NELL1: variants seen among roughly 807,000 people sequenced by gnomAD.
NELL1 encodes the protein neural EGFL like 1.
NELL1 carries 76 observed loss-of-function variants against 107.4 expected under a neutral mutation model. The ratio of observed to expected loss-of-function variants is 0.71; its 90% confidence interval spans 0.59 to 0.86. The LOEUF is 0.86. Ranked by LOEUF, NELL1 falls within the 40% of genes least tolerant of loss-of-function variation. The probability of loss-of-function intolerance (pLI) is 0.00; values close to 1 mark genes in which losing one functional copy is unlikely to be tolerated. For missense variants in NELL1, 1,024 were observed against 1,005.5 expected (o/e 1.02, Z -0.25); for synonymous variants, 353 against 341.2 (o/e 1.03, Z -0.38).
chr11:21,234,287 T>C (rs1858142820), intron 14 of NELL1, among the ~76,000 whole-genome samples: 1 of 152,202 alleles, frequency 6.6e-6, no homozygotes, highest in Non-Finnish European at 1.5e-5. Flanking sequence ...CCATGATCTC[T>C]CTCTTCTCCT....
chr11:21,468,630 A>G lies in NELL1; in HGVS notation c.1646-65744A>G, dbSNP rs568386844. Reference sequence around the variant, plus strand: ...TTATCTGACTGGAAAGTGAAAAAAAATGAAGTGGGTTAGGTAGAACCTATG... The same window carrying G: ...TTATCTGACTGGAAAGTGAAAAAAAGTGAAGTGGGTTAGGTAGAACCTATG... On this transcript the variant is annotated intron_variant, in intron 15 of 19. Coordinates refer to ENST00000357134, the MANE Select transcript of NELL1 (RefSeq NM_006157.5). Among the ~76,000 whole-genome samples, 46 of 152,178 alleles carry G rather than the reference A, an allele frequency of 3.0e-4. No individual in the cohort carries two copies. In the South Asian group the frequency reaches 8.3e-3, roughly 27 times the overall value.
chr11:21,105,575 G>A (rs1854933521), intron 12 of NELL1, among the ~76,000 whole-genome samples: 1 of 152,120 alleles, frequency 6.6e-6, no homozygotes, highest in Admixed American at 6.5e-5. Flanking sequence ...TTTTCCTATT[G>A]GCACAGCTGC....
Position 21,267,876 on chromosome 11 carries a change from C to T in NELL1, c.1549+38422C>T, listed in dbSNP as rs562942012. 1.4e-4 allele frequency among the ~76,000 whole-genome samples: 21 copies of T among 152,258 alleles called. No homozygotes were observed. In the South Asian group the frequency reaches 3.9e-3, roughly 29 times the overall value. On this transcript the variant is annotated intron_variant, in intron 14 of 19. Coordinates refer to ENST00000357134, the MANE Select transcript of NELL1 (RefSeq NM_006157.5). ...TTTATCTGATATAAATGTAGCTCCT[C>T]CTGCTCTGTTTTGGTTTTCATTTGC...
rs372375285 is a variant in NELL1, at chr11:21,166,251, G to A, written c.1426+52537G>A. ...TGGGAAGGGTAGTTGGAGGAGTGGG[G>A]GTGAGAAAAGGGGATGGTTATATTA... is the stretch of plus-strand genomic sequence containing the variant. On this transcript the variant is annotated intron_variant, in intron 13 of 19. Transcript: ENST00000357134. 2.1e-3 allele frequency among the ~76,000 whole-genome samples: 323 copies of A among 151,384 alleles called. 8 individuals carry two copies. The highest frequency in any genetic ancestry group is 7.5e-3 in the African/African-American group (308 of 40,974).
intron 15 of NELL1, among the ~76,000 whole-genome samples, chr11:21,494,823 GA>G (rs905205015): frequency 2.0e-5 from 3 of 151,468 alleles, no homozygotes; most frequent in Non-Finnish European, 2.9e-5. Flanking sequence ...TGTTTTCATT[GA>G]AAAAAACAAG....
At chr11:21,519,527 T>A (rs1423266238) in intron 15 of NELL1, among the ~76,000 whole-genome samples, 4 of 121,512 alleles carry the variant, frequency 3.3e-5, no homozygotes, top group Non-Finnish European at 7.1e-5. Flanking sequence ...TTTGTTTGTT[T>A]GTTTTGTTTT....
At chr11:21,378,597 C>T (rs557558781) in intron 15 of NELL1, among the ~76,000 whole-genome samples, 1 of 152,062 alleles carries the variant, frequency 6.6e-6, no homozygotes, top group Admixed American at 6.6e-5. Flanking sequence ...GACTCCAAAC[C>T]TTGTGTTCTC....
chr11:20,752,925 A>T (rs1456034064), intron 2 of NELL1, among the ~76,000 whole-genome samples: 1 of 152,182 alleles, frequency 6.6e-6, no homozygotes, highest in Non-Finnish European at 1.5e-5. Context: ...AAAAGGAAAA[A>T]ATGGGTGCTG....
At chr11:21,363,322 CT>C (rs568643182) in intron 14 of NELL1, among the ~76,000 whole-genome samples, 109 of 152,318 alleles carry the variant, frequency 7.2e-4, no homozygotes, top group African/African-American at 2.5e-3. Context: ...TTGCGACTCC[CT>C]AAACCCATTT....
Position 21,195,296 on chromosome 11 carries a change from T to C in NELL1, c.1427-34036T>C, listed in dbSNP as rs542701929. On this transcript the variant is annotated intron_variant, in intron 13 of 19. Coordinates refer to ENST00000357134, the MANE Select transcript of NELL1 (RefSeq NM_006157.5). The stretch of plus-strand genomic sequence containing the variant: ...GTCCAATGTCAAACCTTATAAATTA[T>C]AATCATAAAGGAGTCTCTTCAGTGA... 3.7e-4 allele frequency among the ~76,000 whole-genome samples: 57 copies of C among 152,294 alleles called. 1 individual carries two copies. In the South Asian group the frequency reaches 0.011, roughly 30 times the overall value.
At chr11:20,795,431 C>T (rs1857151298) in intron 3 of NELL1, among the ~76,000 whole-genome samples, 2 of 152,154 alleles carry the variant, frequency 1.3e-5, no homozygotes, top group African/African-American at 2.4e-5. Flanking sequence ...CAATAGAGTG[C>T]ATTAGCAGAG....
intron 14 of NELL1, among the ~76,000 whole-genome samples, chr11:21,288,077 G>A (rs1203196573): frequency 2.3e-4 from 4 of 17,478 alleles, no homozygotes; most frequent in African/African-American, 5.8e-4. Flanking sequence ...AAATAAGGAA[G>A]GGAGAAGGAA....
intron 2 of NELL1, among the ~76,000 whole-genome samples, chr11:20,732,139 C>T (rs76440005): frequency 0.033 from 5,055 of 152,044 alleles, 298 homozygotes; most frequent in African/African-American, 0.12. Context: ...TCCTTTCCCT[C>T]GGTGGAAGGA....
intron 2 of NELL1, among the ~76,000 whole-genome samples, chr11:20,684,762 G>C (rs1252036979): frequency 1.3e-5 from 2 of 152,040 alleles, no homozygotes; most frequent in Non-Finnish European, 2.9e-5. Flanking sequence ...TTAAAGGTTT[G>C]TTAGATGGGC....
intron 12 of NELL1, among the ~76,000 whole-genome samples, chr11:20,984,406 T>C (rs1246771425): frequency 6.6e-6 from 1 of 152,182 alleles, no homozygotes; most frequent in Non-Finnish European, 1.5e-5. Flanking sequence ...ATTGTCTGGA[T>C]TCTCAGTTCT....
intron 2 of NELL1, among the ~76,000 whole-genome samples, chr11:20,727,533 C>A (rs565372205): frequency 2.1e-3 from 320 of 152,154 alleles, no homozygotes; most frequent in Non-Finnish European, 3.3e-3. Context: ...AAATTTTCTC[C>A]CATTCTGTAG....
chr11:20,863,044 C>T (rs923816492), intron 4 of NELL1, among the ~76,000 whole-genome samples: 3 of 152,198 alleles, frequency 2.0e-5, no homozygotes, highest in Non-Finnish European at 4.4e-5. Flanking sequence ...CTCTTTTGCC[C>T]ACCTTTCCCC....
intron 12 of NELL1, among the ~76,000 whole-genome samples, chr11:21,074,308 A>G (rs573235557): frequency 6.6e-6 from 1 of 152,282 alleles, no homozygotes; most frequent in Non-Finnish European, 1.5e-5. Flanking sequence ...TCTCAGATGG[A>G]CAGCCTGTTG....
At chr11:20,711,500 T>A (rs1394999967) in intron 2 of NELL1, among the ~76,000 whole-genome samples, 2 of 152,006 alleles carry the variant, frequency 1.3e-5, no homozygotes, top group Non-Finnish European at 2.9e-5. Context: ...TTCACGGAGG[T>A]TCTATTTTGG....
Sources: gnomAD v4.1 joint callset for allele counts (sites outside exome capture counted in the v4.1 genomes callset) on GRCh38, gnomAD v4.1.1 for gene constraint, MANE v1.5 for transcripts, NCBI Gene and HGNC (gene_info 2026-07-23, HGNC 2026-07-21) for gene names.